Variants in ARHGAP29 observed in about 807,000 individuals in gnomAD.
ARHGAP29 encodes the protein Rho GTPase activating protein 29, also known as rho GTPase-activating protein 29.
In ARHGAP29, 43 loss-of-function variants were observed where a neutral mutation model predicts 122.6. That is an observed-to-expected ratio of 0.35 (90% CI 0.27 to 0.45). The LOEUF is 0.45. Among genes scored for constraint, ARHGAP29 ranks in the 20% least tolerant of loss-of-function variants. ARHGAP29 has a pLI of 1.00. For synonymous variants in ARHGAP29, 506 were observed against 497.1 expected (o/e 1.02, Z -0.24); for missense variants, 1,303 against 1,477.2 (o/e 0.88, Z 1.93).
intron 12 of ARHGAP29, chr1:94,192,447 G>C (rs572917046): frequency 6.6e-6 from 1 of 152,204 alleles, no homozygotes; most frequent in Non-Finnish European, 1.5e-5. Context: ...GGGGAGGGGT[G>C]ATGGGAGATG....
intron 3 of ARHGAP29, among the ~76,000 whole-genome samples, chr1:94,213,464 G>T (rs1015366559): frequency 6.6e-5 from 10 of 152,142 alleles, no homozygotes; most frequent in African/African-American, 2.4e-4. Flanking sequence ...TTACAGGCGT[G>T]AGCCACCGCA....
At chr1:94,203,293 G>GGTAGT in intron 8 of ARHGAP29, 83 bp from the exon 9 acceptor site, 1 of 943,144 alleles carries the variant, frequency 1.1e-6, no homozygotes, top group Non-Finnish European at 1.5e-6. Flanking sequence ...CTTCAAAAAG[G>GGTAGT]GAAACTAAGT....
chr1:94,181,267 T>C (rs1263154522), intron 19 of ARHGAP29, among the ~76,000 whole-genome samples: 1 of 152,204 alleles, frequency 6.6e-6, no homozygotes, highest in Non-Finnish European at 1.5e-5. Context: ...GCTGGAGCTA[T>C]CTGAGAAGGC....
chr1:94,272,215 T>G (rs979679371), intron 1 of ARHGAP29, among the ~76,000 whole-genome samples: 1 of 152,142 alleles, frequency 6.6e-6, no homozygotes, highest in South Asian at 2.1e-4. Flanking sequence ...TTAGCCTGGA[T>G]AGTAGAGGAA....
intron 5 of ARHGAP29, among the ~76,000 whole-genome samples, chr1:94,208,332 C>A (rs1045559018): frequency 6.6e-6 from 1 of 152,122 alleles, no homozygotes; most frequent in Non-Finnish European, 1.5e-5. Flanking sequence ...ACATAAGTCC[C>A]TGATGCAGTT....
chr1:94,220,403 A>G lies in ARHGAP29; in HGVS notation c.206-11T>C. The G allele has an allele frequency of 6.5e-7, 1 of 1,540,204 alleles. No homozygotes were observed. The highest frequency in any genetic ancestry group is 8.8e-7 in the Non-Finnish European group (1 of 1,137,982). ...CTTCTTTAAAACAGTCTTTAAAAAGAAAAAAAAATAATTTATTTCCAGAGC... is the reference window on the plus strand; with the variant it reads ...CTTCTTTAAAACAGTCTTTAAAAAGGAAAAAAAATAATTTATTTCCAGAGC... On this transcript the variant is annotated splice_polypyrimidine_tract_variant and intron_variant, in intron 2 of 22. Transcript: ENST00000260526.
chr1:94,294,985 C>A, the ARHGAP29 span, among the ~76,000 whole-genome samples: 1 of 152,062 alleles, frequency 6.6e-6, no homozygotes, highest in Non-Finnish European at 1.5e-5. Flanking sequence ...CAGAGTGAGA[C>A]TGAAAGATAT....
At chr1:94,274,531 G>A (rs2100738593) in intron 1 of ARHGAP29, among the ~76,000 whole-genome samples, 1 of 152,336 alleles carries the variant, frequency 6.6e-6, no homozygotes, top group African/African-American at 2.4e-5. Flanking sequence ...TTGCTGGGAT[G>A]TTGGCAATAT....
intron 22 of ARHGAP29, chr1:94,177,001 T>G (rs1376455931): frequency 6.6e-6 from 1 of 151,712 alleles, no homozygotes; most frequent in African/African-American, 2.4e-5. Flanking sequence ...AATTTAGCTA[T>G]AACAATGTAG....
chr1:94,175,446 C>T (rs1649033854), intron 22 of ARHGAP29, among the ~76,000 whole-genome samples: 1 of 152,298 alleles, frequency 6.6e-6, no homozygotes, highest in East Asian at 1.9e-4. Context: ...CCTCCATTCT[C>T]CTGCTTTTCT....
At chr1:94,187,745 T>C (rs1649894504) in intron 15 of ARHGAP29, among the ~76,000 whole-genome samples, 1 of 152,154 alleles carries the variant, frequency 6.6e-6, no homozygotes, top group African/African-American at 2.4e-5. Flanking sequence ...TTGCTCTAGA[T>C]TGGGTCATAA....
chr1:94,185,870 G>T (rs538262049), intron 16 of ARHGAP29, among the ~76,000 whole-genome samples: 1 of 152,100 alleles, frequency 6.6e-6, no homozygotes, highest in African/African-American at 2.4e-5. Flanking sequence ...GTTAGAGTGT[G>T]AGCATTATCT....
chr1:94,206,288 G>A (rs960655068), intron 5 of ARHGAP29, among the ~76,000 whole-genome samples: 1 of 152,066 alleles, frequency 6.6e-6, no homozygotes, highest in African/African-American at 2.4e-5. Context: ...AACTACATGT[G>A]ACTCGTGCTA....
the ARHGAP29 span, among the ~76,000 whole-genome samples, chr1:94,285,424 G>A: frequency 6.6e-6 from 1 of 152,092 alleles, no homozygotes; most frequent in African/African-American, 2.4e-5. Context: ...TTATAATAGA[G>A]CATGATAAGA....
chr1:94,260,522 T>C (rs573850423), intron 1 of ARHGAP29, among the ~76,000 whole-genome samples: 2 of 152,286 alleles, frequency 1.3e-5, no homozygotes, highest in East Asian at 3.9e-4. Flanking sequence ...CAGTGTTCTA[T>C]GGAGTAATCT....
chr1:94,281,448 A>G, the ARHGAP29 span, among the ~76,000 whole-genome samples: 1 of 150,736 alleles, frequency 6.6e-6, no homozygotes, highest in African/African-American at 2.4e-5. Context: ...ACAGCCCAGC[A>G]CGTAAAGTTA....
intron 1 of ARHGAP29, among the ~76,000 whole-genome samples, chr1:94,266,233 C>T (rs934266204): frequency 6.6e-6 from 1 of 152,180 alleles, no homozygotes; most frequent in African/African-American, 2.4e-5. Context: ...CAGCCAGGCT[C>T]AAAAGCCAGG....
the ARHGAP29 span, among the ~76,000 whole-genome samples, chr1:94,314,509 C>T: frequency 6.6e-6 from 1 of 152,180 alleles, no homozygotes; most frequent in Non-Finnish European, 1.5e-5. Context: ...TTTCTCTCTC[C>T]TTTCCCTCGG....
the ARHGAP29 span, among the ~76,000 whole-genome samples, chr1:94,285,873 C>CAAAAAAAAAAA: frequency 2.8e-5 from 2 of 72,642 alleles, no homozygotes; most frequent in Non-Finnish European, 5.7e-5. Flanking sequence ...GACTCTGTCT[C>CAAAAAAAAAAA]AAAAAAAAAA....
Sources: gnomAD v4.1 joint callset for allele counts (sites outside exome capture counted in the v4.1 genomes callset) on GRCh38, gnomAD v4.1.1 for gene constraint, MANE v1.5 for transcripts, NCBI Gene and HGNC (gene_info 2026-07-23, HGNC 2026-07-21) for gene names.